The following CREB5 variants were observed in gnomAD, a reference collection of about 807,000 sequenced individuals.
CREB5 encodes cAMP responsive element binding protein 5.
CREB5 carries 19 observed loss-of-function variants against 57.1 expected under a neutral mutation model. That is an observed-to-expected ratio of 0.33 (90% CI 0.23 to 0.49). The LOEUF (loss-of-function observed/expected upper bound fraction) is 0.49, where lower values mean the gene tolerates loss of function less well. CREB5 is among the 20% of genes least tolerant of loss of function. CREB5 has a pLI of 0.99. For synonymous variants in CREB5, 238 were observed against 238.3 expected (o/e 1.00, Z 0.01); for missense variants, 579 against 671.6 (o/e 0.86, Z 1.52).
intron 2 of CREB5, among the ~76,000 whole-genome samples, chr7:28,490,698 C>A (rs1355352808): frequency 6.6e-6 from 1 of 152,218 alleles, no homozygotes; most frequent in Admixed American, 6.5e-5. Context: ...GAAGCATTCC[C>A]CACTTGTGAT....
intron 5 of CREB5, among the ~76,000 whole-genome samples, chr7:28,686,412 C>A (rs961211277): frequency 6.6e-6 from 1 of 150,594 alleles, no homozygotes; most frequent in Non-Finnish European, 1.5e-5. Context: ...CTTTTCACTT[C>A]GATCAGAGTT....
chr7:28,413,716 C>T (rs1030653820), intron 1 of CREB5, among the ~76,000 whole-genome samples: 8 of 152,128 alleles, frequency 5.3e-5, no homozygotes, highest in African/African-American at 1.9e-4. Flanking sequence ...AAACCATGCC[C>T]TTATTTCTAG....
intron 5 of CREB5, among the ~76,000 whole-genome samples, chr7:28,650,475 C>T (rs1799082190): frequency 6.6e-6 from 1 of 152,130 alleles, no homozygotes. Context: ...GAACTGATTA[C>T]TTCTGCCAGG....
intron 1 of CREB5, among the ~76,000 whole-genome samples, chr7:28,432,530 C>T (rs978245033): frequency 6.6e-6 from 1 of 152,086 alleles, no homozygotes; most frequent in Non-Finnish European, 1.5e-5. Context: ...TTGAAGCTGA[C>T]CTTGTGAGAA....
intron 5 of CREB5, among the ~76,000 whole-genome samples, chr7:28,657,135 C>T (rs1799363149): frequency 6.6e-6 from 1 of 152,156 alleles, no homozygotes; most frequent in Admixed American, 6.5e-5. Context: ...AACCCCATTA[C>T]CCTCACCTGC....
intron 1 of CREB5, among the ~76,000 whole-genome samples, chr7:28,462,217 G>A (rs1284958236): frequency 6.6e-6 from 1 of 152,104 alleles, no homozygotes; most frequent in African/African-American, 2.4e-5. Context: ...ACTTTTTCAA[G>A]GTTCACCCAT....
intron 5 of CREB5, among the ~76,000 whole-genome samples, chr7:28,717,543 G>C (rs532634058): frequency 6.6e-6 from 1 of 152,196 alleles, no homozygotes. Flanking sequence ...TGGGGAAGCA[G>C]CTCCTTCTCC....
At chr7:28,726,015 T>C (rs1803315229) in intron 7 of CREB5, among the ~76,000 whole-genome samples, 1 of 152,204 alleles carries the variant, frequency 6.6e-6, no homozygotes, top group South Asian at 2.1e-4. Context: ...TTATACTTAT[T>C]TATACGTATG....
At chr7:28,413,054 G>T (rs540731448) in intron 1 of CREB5, 137 bp downstream of exon 1, 37 of 692,694 alleles carry the variant, frequency 5.3e-5, no homozygotes, top group Non-Finnish European at 7.6e-5. Flanking sequence ...TGTTGCTTTT[G>T]TCAGTTTCCT....
At chr7:28,613,281 C>T (rs983880754) in intron 5 of CREB5, among the ~76,000 whole-genome samples, 1 of 152,170 alleles carries the variant, frequency 6.6e-6, no homozygotes, top group Non-Finnish European at 1.5e-5. Flanking sequence ...TTTTAAGGTT[C>T]ATTGCAATAT....
At chr7:28,430,438 G>A (rs998473258) in intron 1 of CREB5, among the ~76,000 whole-genome samples, 1 of 152,108 alleles carries the variant, frequency 6.6e-6, no homozygotes, top group Non-Finnish European at 1.5e-5. Context: ...ATAATAATAA[G>A]GCCTACTTCA....
chr7:28,460,409 G>A (rs1166928531), intron 1 of CREB5, among the ~76,000 whole-genome samples: 3 of 152,174 alleles, frequency 2.0e-5, no homozygotes, highest in Non-Finnish European at 4.4e-5. Flanking sequence ...ATTTACAGAT[G>A]AGGAAACTGA....
intron 7 of CREB5, among the ~76,000 whole-genome samples, chr7:28,735,104 TTTGG>T (rs144319037): frequency 1.3e-5 from 2 of 149,546 alleles, no homozygotes; most frequent in African/African-American, 2.5e-5. Flanking sequence ...ACTTAATCGT[TTTGG>T]TTTTTTTTGT....
At chr7:28,735,379 A>G (rs926113775) in intron 7 of CREB5, among the ~76,000 whole-genome samples, 3 of 152,190 alleles carry the variant, frequency 2.0e-5, no homozygotes, top group Non-Finnish European at 1.5e-5. Context: ...GTCATTCACA[A>G]TGTTCTGAGG....
chr7:28,785,210 C>T (rs548998439), intron 7 of CREB5, among the ~76,000 whole-genome samples: 18 of 152,218 alleles, frequency 1.2e-4, no homozygotes, highest in African/African-American at 3.9e-4. Context: ...TGGAGACCTC[C>T]CAGGGTTCAC....
At chr7:28,790,405 C>T (rs1278778791) in intron 7 of CREB5, among the ~76,000 whole-genome samples, 7 of 132,052 alleles carry the variant, frequency 5.3e-5, no homozygotes, top group African/African-American at 2.0e-4. Context: ...TCAAAGGATA[C>T]ATTTTAGCAG....
chr7:28,560,970 G>C (rs1795219711), intron 4 of CREB5, among the ~76,000 whole-genome samples: 1 of 63,876 alleles, frequency 1.6e-5, no homozygotes, highest in Non-Finnish European at 3.6e-5. Flanking sequence ...GCGTGTGTGT[G>C]TGCGTGTGTG....
upstream of CREB5, among the ~76,000 whole-genome samples, chr7:28,411,517 T>G (rs187531056): frequency 1.1e-3 from 139 of 127,490 alleles, no homozygotes; most frequent in African/African-American, 3.9e-3. Flanking sequence ...TGTGTATGAC[T>G]TGTTGCAAGG....
chr7:28,724,084 C>A, intron 6 of CREB5, 138 bp from the exon 7 acceptor site: 1 of 687,260 alleles, frequency 1.5e-6, no homozygotes, highest in Non-Finnish European at 2.4e-6. Context: ...GCATTGCTTA[C>A]CACACACCAA....
Sources: gnomAD v4.1 joint callset for allele counts (sites outside exome capture counted in the v4.1 genomes callset) on GRCh38, gnomAD v4.1.1 for gene constraint, MANE v1.5 for transcripts, NCBI Gene and HGNC (gene_info 2026-07-23, HGNC 2026-07-21) for gene names.